CLVS1: variants seen among roughly 807,000 people sequenced by gnomAD.
The protein encoded by CLVS1 is clavesin-1.
A neutral mutation model predicts 33.1 loss-of-function variants in CLVS1; 10 were observed. That is an observed-to-expected ratio of 0.30 (90% CI 0.19 to 0.51). The LOEUF is 0.51. CLVS1 is among the 20% of genes least tolerant of loss of function. The probability of loss-of-function intolerance (pLI) is 0.97; values close to 1 mark genes in which losing one functional copy is unlikely to be tolerated. For missense variants in CLVS1, 343 were observed against 433.4 expected (o/e 0.79, Z 1.85); for synonymous variants, 163 against 166.1 (o/e 0.98, Z 0.14).
intron 2 of CLVS1, among the ~76,000 whole-genome samples, chr8:61,234,263 G>A (rs928634706): frequency 5.3e-5 from 8 of 152,182 alleles, no homozygotes; most frequent in Non-Finnish European, 8.8e-5. Flanking sequence ...GTGTGCGTGC[G>A]TATTCATGTG....
intron 3 of CLVS1, among the ~76,000 whole-genome samples, chr8:61,402,710 A>G (rs1814818371): frequency 6.6e-6 from 1 of 152,242 alleles, no homozygotes; most frequent in African/African-American, 2.4e-5. Flanking sequence ...TTCAGAATCC[A>G]TGTGCTCAAG....
chr8:61,015,583 G>A, the CLVS1 span, among the ~76,000 whole-genome samples: 4 of 152,114 alleles, frequency 2.6e-5, no homozygotes, highest in African/African-American at 9.7e-5. Context: ...AGCAGCAACA[G>A]GACAGATCTT....
the CLVS1 span, among the ~76,000 whole-genome samples, chr8:61,037,277 A>G: frequency 6.6e-6 from 1 of 151,964 alleles, no homozygotes; most frequent in African/African-American, 2.4e-5. Context: ...ATTAAACAAC[A>G]ACTCCTCACT....
the CLVS1 span, among the ~76,000 whole-genome samples, chr8:60,995,397 A>G: frequency 1.2e-4 from 18 of 152,216 alleles, no homozygotes; most frequent in Non-Finnish European, 1.9e-4. Flanking sequence ...TGCAGCCAAA[A>G]AACACATGAA....
chr8:61,270,383 A>C (rs747224103), intron 2 of CLVS1, among the ~76,000 whole-genome samples: 1 of 152,180 alleles, frequency 6.6e-6, no homozygotes, highest in Non-Finnish European at 1.5e-5. Flanking sequence ...TATTGTGGAT[A>C]AGCTTTTTGA....
chr8:60,969,324 G>C, the CLVS1 span, among the ~76,000 whole-genome samples: 2 of 152,184 alleles, frequency 1.3e-5, no homozygotes, highest in Admixed American at 6.5e-5. Flanking sequence ...TTGGCTGCCA[G>C]AGAAAAATAA....
the CLVS1 span, among the ~76,000 whole-genome samples, chr8:61,040,364 CT>C: frequency 6.6e-6 from 1 of 152,214 alleles, no homozygotes; most frequent in Non-Finnish European, 1.5e-5. Flanking sequence ...AATGGGATTA[CT>C]GGGTTGAATG....
intron 2 of CLVS1, among the ~76,000 whole-genome samples, chr8:61,310,540 G>T (rs1406942812): frequency 6.6e-6 from 1 of 152,202 alleles, no homozygotes; most frequent in Non-Finnish European, 1.5e-5. Context: ...CTATCAGTAA[G>T]CAAGACTTCA....
chr8:61,292,545 A>G (rs554111706), intron 1 of CLVS1: 1 of 351,498 alleles, frequency 2.8e-6, no homozygotes, highest in South Asian at 2.4e-5. Flanking sequence ...TTGAAGACAG[A>G]AGGGTCAAGG....
At chr8:60,977,965 A>G in the CLVS1 span, among the ~76,000 whole-genome samples, 6 of 152,250 alleles carry the variant, frequency 3.9e-5, no homozygotes, top group African/African-American at 1.4e-4. Context: ...TTAACAGCCA[A>G]TTGCTCCTCA....
rs559955437 is a variant in CLVS1 at position 61,122,306 on chromosome 8, A to G, written c.-242-9464A>G. On this transcript the variant is annotated intron_variant, in intron 1 of 2. Coordinates refer to the CLVS1 transcript ENST00000522621. Reference sequence around the variant, plus strand: ...TTTTTGGATGCAGGACCCGGTAGTAACTACATAAATAATGTTATTGCTGAG... The same window carrying G: ...TTTTTGGATGCAGGACCCGGTAGTAGCTACATAAATAATGTTATTGCTGAG... Among the ~76,000 whole-genome samples the G allele has an allele frequency of 3.3e-5, 5 of 152,346 alleles. No individual in the cohort carries two copies. In the South Asian group the frequency reaches 1.0e-3, roughly 32 times the overall value.
chr8:61,302,045 T>C (rs1006667294), intron 2 of CLVS1, among the ~76,000 whole-genome samples: 5 of 152,294 alleles, frequency 3.3e-5, no homozygotes, highest in African/African-American at 1.2e-4. Context: ...TTAAAAGGAA[T>C]TTCTAAAGTG....
chr8:61,433,994 C>T (rs999715957), intron 3 of CLVS1, among the ~76,000 whole-genome samples: 4 of 150,238 alleles, frequency 2.7e-5, no homozygotes, highest in African/African-American at 9.8e-5. Flanking sequence ...CCAGGCAAAG[C>T]GAGAGGCACA....
At chr8:61,073,142 T>C (rs553935731) in intron 1 of CLVS1, among the ~76,000 whole-genome samples, 6 of 152,372 alleles carry the variant, frequency 3.9e-5, no homozygotes, top group African/African-American at 1.2e-4. Context: ...CATTTGCTAA[T>C]TAAATGCTTG....
At chr8:61,061,388 A>G (rs985740100) in intron 1 of CLVS1, among the ~76,000 whole-genome samples, 4 of 152,170 alleles carry the variant, frequency 2.6e-5, no homozygotes, top group Admixed American at 1.3e-4. Flanking sequence ...TTCGCACCGC[A>G]CGTACCCATA....
the CLVS1 span, among the ~76,000 whole-genome samples, chr8:60,982,207 TTTAA>T: frequency 6.6e-6 from 1 of 152,248 alleles, no homozygotes; most frequent in Non-Finnish European, 1.5e-5. Flanking sequence ...ATAATTTTAA[TTTAA>T]TTAATTTCTT....
intron 2 of CLVS1, among the ~76,000 whole-genome samples, chr8:61,211,815 T>A (rs1181810891): frequency 6.6e-6 from 1 of 152,056 alleles, no homozygotes; most frequent in East Asian, 1.9e-4. Context: ...GTTCTTATTA[T>A]AGGAGGGAAG....
chr8:61,387,704 A>G lies in CLVS1; in HGVS notation c.630+10925A>G, dbSNP rs573172475. ...CCTTTGCATCCTGATAGCTTAGCTC[A>G]CATTTATGAGTGAGAGCATACGATG... is the stretch of plus-strand genomic sequence containing the variant. On this transcript the variant is annotated intron_variant, in intron 3 of 5. Transcript: ENST00000325897. Among the ~76,000 whole-genome samples, 30 of 152,240 alleles carry G rather than the reference A, an allele frequency of 2.0e-4. No homozygotes were observed. In the South Asian group the frequency reaches 4.6e-3, roughly 23 times the overall value.
At chr8:61,127,026 G>A (rs538653280) in intron 1 of CLVS1, among the ~76,000 whole-genome samples, 1 of 152,112 alleles carries the variant, frequency 6.6e-6, no homozygotes, top group Non-Finnish European at 1.5e-5. Context: ...TCATGGTCTT[G>A]GAAGGGGCAC....
Sources: allele counts gnomAD v4.1 joint callset (sites outside exome capture counted in the v4.1 genomes callset), GRCh38; gene constraint gnomAD v4.1.1; transcripts MANE v1.5; gene names NCBI Gene and HGNC (gene_info 2026-07-23, HGNC 2026-07-21).